Variants in C12orf42 observed in about 807,000 individuals in gnomAD.
The protein encoded by C12orf42 is uncharacterized protein C12orf42.
Under a neutral mutation model 21.6 loss-of-function variants are expected in C12orf42, and 25 were observed. The ratio of observed to expected loss-of-function variants is 1.16; its 90% CI spans 0.84 to 1.62. C12orf42 has a LOEUF of 1.62. C12orf42 is among the 40% of genes most tolerant of loss of function. The probability of loss-of-function intolerance (pLI) is 0.00; values close to 1 mark genes in which losing one functional copy is unlikely to be tolerated. For synonymous variants in C12orf42, 174 were observed against 175.0 expected (o/e 0.99, Z 0.05); for missense variants, 483 against 459.3 (o/e 1.05, Z -0.47).
At chr12:103,193,036 A>G in the C12orf42 span, among the ~76,000 whole-genome samples, 90 of 152,360 alleles carry the variant, frequency 5.9e-4, no homozygotes, top group Non-Finnish European at 5.1e-4. Flanking sequence ...AAATTATTCC[A>G]TAAGTATCTT....
rs544795283 is a variant in C12orf42 at position 103,434,405 on chromosome 12, GGCCGAATAGGAACAGCTCCGGTCTACA to G, written c.79-32757_79-32731del. Among the ~76,000 whole-genome samples, 616 of 152,334 alleles carry G rather than the reference GGCCGAATAGGAACAGCTCCGGTCTACA, an allele frequency of 4.0e-3. 3 individuals carry two copies. Among genetic ancestry groups the G allele is most frequent in the Non-Finnish European group, 7.1e-3 (481 of 68,038 alleles). On this transcript the variant is annotated intron_variant, in intron 2 of 5. Coordinates refer to ENST00000548883, the MANE Select transcript of C12orf42 (RefSeq NM_198521.5). ...CACAGTGAAGGGGAGGAGCCAAGATGGCCGAATAGGAACAGCTCCGGTCTACAGCTCCCAGCGTGAGGGACGCAGAGG... is the reference window on the plus strand; with the variant it reads ...CACAGTGAAGGGGAGGAGCCAAGATGGCTCCCAGCGTGAGGGACGCAGAGG...
the C12orf42 span, among the ~76,000 whole-genome samples, chr12:103,221,866 C>T: frequency 3.3e-5 from 5 of 152,166 alleles, no homozygotes; most frequent in East Asian, 9.6e-4. Flanking sequence ...GACACCTGCC[C>T]AATTTTAACC....
chr12:103,100,589 C>T, the C12orf42 span, among the ~76,000 whole-genome samples: 6 of 152,294 alleles, frequency 3.9e-5, no homozygotes, highest in East Asian at 7.7e-4. Flanking sequence ...TGAATGCCTT[C>T]CCCTGTTGCT....
chr12:103,255,430 G>T (rs2034514760), intron 10 of C12orf42, among the ~76,000 whole-genome samples: 1 of 152,010 alleles, frequency 6.6e-6, no homozygotes. Context: ...TTAAATGAAT[G>T]GCGTGTTAAA....
the C12orf42 span, among the ~76,000 whole-genome samples, chr12:103,099,092 A>G: frequency 2.0e-5 from 3 of 152,234 alleles, no homozygotes; most frequent in African/African-American, 7.2e-5. Context: ...ATCCTACCAT[A>G]AATATTTGAT....
At chr12:103,521,124 T>G in the C12orf42 span, among the ~76,000 whole-genome samples, 1 of 152,204 alleles carries the variant, frequency 6.6e-6, no homozygotes, top group Non-Finnish European at 1.5e-5. Context: ...ACGCAACGTA[T>G]GGCACTGTGG....
At chr12:103,525,113 G>A in the C12orf42 span, among the ~76,000 whole-genome samples, 1 of 152,090 alleles carries the variant, frequency 6.6e-6, no homozygotes, top group South Asian at 2.1e-4. Context: ...AACCTCCTGG[G>A]CTCACGTGAT....
At chr12:103,300,567 C>A (rs1212140729), downstream of C12orf42, among the ~76,000 whole-genome samples, 1 of 152,184 alleles carries the variant, frequency 6.6e-6, no homozygotes, top group Non-Finnish European at 1.5e-5. Context: ...TCTACTATAT[C>A]AAGTACATTT....
the C12orf42 span, among the ~76,000 whole-genome samples, chr12:103,517,608 T>A: frequency 4.6e-5 from 7 of 152,192 alleles, no homozygotes; most frequent in African/African-American, 1.7e-4. Flanking sequence ...GATTTTTTTT[T>A]ATTAAAAGAC....
intron 3 of C12orf42, among the ~76,000 whole-genome samples, chr12:103,384,016 AG>A (rs34398000): frequency 1.1e-4 from 17 of 152,232 alleles, no homozygotes; most frequent in African/African-American, 4.1e-4. Context: ...CAGTGGTTAC[AG>A]GGATGCAGTG....
the C12orf42 span, among the ~76,000 whole-genome samples, chr12:103,202,323 T>C: frequency 6.6e-6 from 1 of 152,216 alleles, no homozygotes; most frequent in Non-Finnish European, 1.5e-5. Context: ...AACAAAGGCC[T>C]TTTGAGACCC....
chr12:103,233,004 A>T (rs1593182795), downstream of C12orf42, among the ~76,000 whole-genome samples: 1 of 152,208 alleles, frequency 6.6e-6, no homozygotes, highest in Non-Finnish European at 1.5e-5. Flanking sequence ...GATATGTGTC[A>T]CCTCAAACAT....
At chr12:103,059,561 C>T in the C12orf42 span, among the ~76,000 whole-genome samples, 622 of 152,264 alleles carry the variant, frequency 4.1e-3, 4 homozygotes, top group Middle Eastern at 0.01. Flanking sequence ...TGATGAAAAT[C>T]GGTGTGAAAA....
chr12:103,080,846 G>C, the C12orf42 span: 1 of 152,164 alleles, frequency 6.6e-6, no homozygotes, highest in Non-Finnish European at 1.5e-5. Flanking sequence ...CTTATGAGAT[G>C]AGTAATTATA....
the C12orf42 span, among the ~76,000 whole-genome samples, chr12:103,106,087 G>A: frequency 6.6e-6 from 1 of 152,118 alleles, no homozygotes; most frequent in Non-Finnish European, 1.5e-5. Context: ...AAACTGTAGA[G>A]AAAACTTATT....
the C12orf42 span, among the ~76,000 whole-genome samples, chr12:103,191,717 T>C: frequency 3.0e-4 from 44 of 147,266 alleles, no homozygotes; most frequent in African/African-American, 1.1e-3. Flanking sequence ...TACCCCAGCT[T>C]GTGCAACAGA....
the C12orf42 span, among the ~76,000 whole-genome samples, chr12:103,524,178 T>G: frequency 6.6e-6 from 1 of 152,210 alleles, no homozygotes; most frequent in Non-Finnish European, 1.5e-5. Context: ...GATTTCTTGC[T>G]CTTTTATCAC....
the C12orf42 span, among the ~76,000 whole-genome samples, chr12:103,135,454 C>CT: frequency 1.6e-5 from 2 of 127,228 alleles, no homozygotes; most frequent in African/African-American, 6.0e-5. Flanking sequence ...GAGACACTAT[C>CT]TCAAAAAGAA....
chr12:103,139,624 G>A, the C12orf42 span, among the ~76,000 whole-genome samples: 1 of 151,426 alleles, frequency 6.6e-6, no homozygotes, highest in Admixed American at 6.6e-5. Flanking sequence ...AAAGAAAGAA[G>A]CAGCATCAAT....
Sources: gnomAD v4.1 joint callset for allele counts (sites outside exome capture counted in the v4.1 genomes callset) on GRCh38, gnomAD v4.1.1 for gene constraint, MANE v1.5 for transcripts, NCBI Gene and HGNC (gene_info 2026-07-23, HGNC 2026-07-21) for gene names.